COP1: variants seen among roughly 807,000 people sequenced by gnomAD.
COP1 encodes the protein E3 ubiquitin-protein ligase COP1.
A neutral mutation model predicts 101.3 loss-of-function variants in COP1; 24 were observed. That is an observed-to-expected ratio of 0.24 (90% CI 0.17 to 0.33). COP1 has a LOEUF of 0.33. COP1 is among the 10% of genes least tolerant of loss of function. The pLI is 1.00. For missense variants in COP1, 663 were observed against 906.2 expected, an observed-to-expected ratio of 0.73 and a Z score of 3.45; for synonymous variants, 347 against 341.9, an observed-to-expected ratio of 1.01 and a Z score of -0.17.
At chr1:176,042,093 C>T (rs1670657445) in intron 14 of COP1, among the ~76,000 whole-genome samples, 1 of 151,586 alleles carries the variant, frequency 6.6e-6, no homozygotes, top group Non-Finnish European at 1.5e-5. Context: ...GTCTGGGCAG[C>T]AGAGCGAGAT....
At chr1:176,051,025 A>G (rs1038279210) in intron 11 of COP1, among the ~76,000 whole-genome samples, 2 of 152,224 alleles carry the variant, frequency 1.3e-5, no homozygotes, top group African/African-American at 4.8e-5. Context: ...ATAACACATA[A>G]TTCAGCCTGT....
intron 17 of COP1, among the ~76,000 whole-genome samples, chr1:175,988,082 G>C (rs534202619): frequency 3.3e-5 from 5 of 152,214 alleles, no homozygotes; most frequent in African/African-American, 1.2e-4. Flanking sequence ...AGGTGTTCAG[G>C]GTTTCTACAC....
At chr1:176,095,680 GAAAAAAA>G (rs60886371) in intron 9 of COP1, among the ~76,000 whole-genome samples, 1 of 87,560 alleles carries the variant, frequency 1.1e-5, no homozygotes, top group Non-Finnish European at 2.4e-5. Context: ...CCCTGTCTCA[GAAAAAAA>G]AAAAAAAAAA....
chr1:176,147,665 C>A (rs1036480058), intron 6 of COP1, among the ~76,000 whole-genome samples: 1 of 152,138 alleles, frequency 6.6e-6, no homozygotes, highest in South Asian at 2.1e-4. Flanking sequence ...CGGCATGATT[C>A]ATCCAGAAGT....
chr1:176,002,683 A>T (rs1662007834), intron 15 of COP1, among the ~76,000 whole-genome samples: 1 of 149,414 alleles, frequency 6.7e-6, no homozygotes, highest in South Asian at 2.1e-4. Context: ...AAAGGACATG[A>T]ACTCATCATT....
chr1:176,000,093 T>C (rs549405880), intron 15 of COP1, among the ~76,000 whole-genome samples: 1 of 152,276 alleles, frequency 6.6e-6, no homozygotes, highest in Non-Finnish European at 1.5e-5. Flanking sequence ...GCCTTCGCTG[T>C]GCAGAAGCTT....
intron 5 of COP1, among the ~76,000 whole-genome samples, chr1:176,159,957 T>G (rs75231100): frequency 6.6e-6 from 1 of 152,188 alleles, no homozygotes; most frequent in South Asian, 2.1e-4. Context: ...CAGAGCCCCA[T>G]ATTATTTTCT....
chr1:176,206,576 C>T lies in COP1; in HGVS notation c.403G>A (p.Val135Ile), dbSNP rs1430932868. ...GGGAGTGCTCTTCAAACCCACCATA[C>T]GAAGTCGTTGCTTTTGTCCTCGTAG... is the stretch of plus-strand genomic sequence containing the variant. Reference protein sequence around the residue: ...NSYEDKSNDFVCPICFDMIEE... With the variant: ...NSYEDKSNDFICPICFDMIEE... Residue 135 changes from valine to isoleucine, a missense_variant, in exon 1 of 20, where the codon GTA (valine) becomes ATA (isoleucine). Val to Ile is a conservative substitution (Grantham distance 29, BLOSUM62 3). Transcript: ENST00000367669. 2 of 1,609,458 alleles carry T rather than the reference C, an allele frequency of 1.2e-6. No individual in the cohort carries two copies. Among genetic ancestry groups the T allele is most frequent in the Non-Finnish European group, 1.7e-6 (2 of 1,179,690 alleles).
At chr1:176,083,473 T>G (rs1679563906) in intron 10 of COP1, among the ~76,000 whole-genome samples, 1 of 152,214 alleles carries the variant, frequency 6.6e-6, no homozygotes, top group Non-Finnish European at 1.5e-5. Flanking sequence ...CTTATGAGGT[T>G]ACAAAAAAGG....
At chr1:176,033,717 G>A (rs1669020909) in intron 14 of COP1, among the ~76,000 whole-genome samples, 2 of 151,754 alleles carry the variant, frequency 1.3e-5, no homozygotes, top group South Asian at 4.2e-4. Context: ...ATATATACTT[G>A]GAACTAAATT....
intron 15 of COP1, among the ~76,000 whole-genome samples, chr1:176,016,831 TTTCA>T (rs1311375967): frequency 2.6e-5 from 4 of 152,284 alleles, no homozygotes; most frequent in African/African-American, 9.6e-5. Flanking sequence ...GCATTCATTG[TTTCA>T]TTGTTTTATC....
In COP1 at chr1:175,955,546, T is replaced by A. The variant is rs541361498; in HGVS notation, c.2134-8307A>T. 2.0e-5 allele frequency among the ~76,000 whole-genome samples: 3 copies of A among 152,188 alleles called. No individual in the cohort carries two copies. The South Asian group carries it at 6.2e-4, about 32-fold the overall frequency. On this transcript the variant is annotated intron_variant, in intron 18 of 19. Transcript: ENST00000367669. ...ATGGATCTGAAAAAAGAAAACTGTC[T>A]TCATTTGCAAAAGAGATGATGGCCT...
intron 3 of COP1, among the ~76,000 whole-genome samples, chr1:176,171,801 C>G (rs145583834): frequency 6.6e-6 from 1 of 152,076 alleles, no homozygotes; most frequent in Non-Finnish European, 1.5e-5. Flanking sequence ...GAATTTCAAG[C>G]ACGGAAATAG....
chr1:176,127,853 A>G (rs767724673), intron 8 of COP1, among the ~76,000 whole-genome samples: 1 of 152,054 alleles, frequency 6.6e-6, no homozygotes, highest in Non-Finnish European at 1.5e-5. Context: ...TATTTACAAT[A>G]CCACCAACAG....
intron 3 of COP1, among the ~76,000 whole-genome samples, chr1:176,174,388 T>C (rs1051496803): frequency 6.6e-6 from 1 of 152,174 alleles, no homozygotes; most frequent in Non-Finnish European, 1.5e-5. Flanking sequence ...TCAAGTATCA[T>C]CCTGCAAGGT....
chr1:176,125,195 A>G (rs1027545561), intron 8 of COP1, among the ~76,000 whole-genome samples: 2 of 151,980 alleles, frequency 1.3e-5, no homozygotes, highest in Admixed American at 1.3e-4. Context: ...ATTTTCTCCA[A>G]TTCTGTGGGT....
intron 15 of COP1, among the ~76,000 whole-genome samples, chr1:176,026,598 A>G (rs1261794022): frequency 1.3e-5 from 2 of 152,134 alleles, no homozygotes; most frequent in African/African-American, 2.4e-5. Context: ...TTTTACCCAC[A>G]TCTACTTGTT....
intron 9 of COP1, among the ~76,000 whole-genome samples, chr1:176,087,066 C>T (rs944906387): frequency 6.6e-6 from 1 of 152,150 alleles, no homozygotes; most frequent in Non-Finnish European, 1.5e-5. Flanking sequence ...ATGTAGAAAG[C>T]TGAAACTGGA....
intron 11 of COP1, among the ~76,000 whole-genome samples, chr1:176,066,879 C>G (rs1304258788): frequency 6.6e-6 from 1 of 152,134 alleles, no homozygotes; most frequent in Non-Finnish European, 1.5e-5. Flanking sequence ...GATTGATCCC[C>G]TCCGCCCTTG....
Sources: gnomAD v4.1 joint callset for allele counts (sites outside exome capture counted in the v4.1 genomes callset) on GRCh38, gnomAD v4.1.1 for gene constraint, MANE v1.5 for transcripts, NCBI Gene and HGNC (gene_info 2026-07-23, HGNC 2026-07-21) for gene names.